ATP8A1: variants seen among roughly 807,000 people sequenced by gnomAD.
The protein encoded by ATP8A1 is phospholipid-transporting ATPase IA.
ATP8A1 carries 90 observed loss-of-function variants against 177.7 expected under a neutral mutation model. The observed-to-expected ratio is 0.51, with a 90% CI of 0.43 to 0.60. The LOEUF is 0.60. Ranked by LOEUF, ATP8A1 falls within the 20% of genes least tolerant of loss-of-function variation. The pLI is 0.00. For synonymous variants in ATP8A1, 493 were observed against 485.9 expected (o/e 1.01, Z -0.19); for missense variants, 1,072 against 1,392.8 (o/e 0.77, Z 3.67).
rs1553903247 is a variant in ATP8A1, at chr4:42,555,139, A to AATCTATCT, written c.1413+821_1413+828dup. 8.5e-3 allele frequency among the ~76,000 whole-genome samples: 505 copies of AATCTATCT among 59,404 alleles called. 7 individuals are homozygous for AATCTATCT. Among genetic ancestry groups the AATCTATCT allele is most frequent in the African/African-American group, 0.011 (163 of 14,264 alleles). The allele number at this position is 59,404 out of a possible 152,430, so 39.0% of individuals were successfully genotyped here. A position where few individuals can be genotyped will look rare whatever the true frequency, so the allele number is the denominator to read the frequency against. ...TATCTATCTATCTATCTATCTATCTAATCTATCTATCTATCTATCTATCTA... is the reference window on the plus strand; with the variant it reads ...TATCTATCTATCTATCTATCTATCTAATCTATCTATCTATCTATCTATCTATCTATCTA... On this transcript the variant is annotated intron_variant, in intron 16 of 36. Transcript: ENST00000381668.
At chr4:42,522,776 T>A (rs575390012) in intron 21 of ATP8A1, among the ~76,000 whole-genome samples, 14 of 152,292 alleles carry the variant, frequency 9.2e-5, no homozygotes, top group African/African-American at 3.4e-4. Context: ...GCAAGCAGTT[T>A]AAGACTCAGC....
chr4:42,529,404 T>C (rs1262189113), intron 20 of ATP8A1, among the ~76,000 whole-genome samples: 1 of 152,222 alleles, frequency 6.6e-6, no homozygotes. Flanking sequence ...CAAGTCACGA[T>C]GCGACCTGAA....
At chr4:42,468,406 TATATAC>T (rs1348784031) in intron 25 of ATP8A1, among the ~76,000 whole-genome samples, 98 of 149,326 alleles carry the variant, frequency 6.6e-4, no homozygotes, top group Non-Finnish European at 1.0e-3. Context: ...ATATATTTTA[TATATAC>T]ATATTTTATA....
rs1177200735 is a variant in ATP8A1, at chr4:42,414,837, C to G, written c.3306-119G>C. ...AAAAGATTGCTCGAGAAATCCGTAGCCTAGTGATTCTTTTTACACATTTTC... is the reference window on the plus strand; with the variant it reads ...AAAAGATTGCTCGAGAAATCCGTAGGCTAGTGATTCTTTTTACACATTTTC... On this transcript the variant is annotated intron_variant, in intron 35 of 36. Transcript: ENST00000381668. 10 of 730,748 alleles carry G rather than the reference C, an allele frequency of 1.4e-5. No individual in the cohort carries two copies. The Admixed American group carries it at 2.0e-4, about 14-fold the overall frequency. The allele number at this position is 730,748 out of a possible 1,614,324, so 45.3% of individuals were successfully genotyped here. A position where few individuals can be genotyped will look rare whatever the true frequency, so the allele number is the denominator to read the frequency against.
At chr4:42,434,482 A>G (rs1189397814) in intron 33 of ATP8A1, among the ~76,000 whole-genome samples, 1 of 152,254 alleles carries the variant, frequency 6.6e-6, no homozygotes, top group African/African-American at 2.4e-5. Context: ...GCACTTAGCT[A>G]AAGAAAAACA....
chr4:42,505,549 G>A (rs28734023), intron 23 of ATP8A1, among the ~76,000 whole-genome samples: 10,341 of 151,734 alleles, frequency 0.068, 1,150 homozygotes, highest in African/African-American at 0.23. Context: ...CTCTCTAATA[G>A]CAGCGATAAT....
In ATP8A1 at chr4:42,408,761, C is replaced by T. The variant is rs543530590; in HGVS notation, c.*4155G>A. On this transcript the variant is annotated 3_prime_UTR_variant, in exon 37 of 37. Coordinates refer to ENST00000381668, the MANE Select transcript of ATP8A1 (RefSeq NM_006095.2). ...ATAAACTTGAAAATGTAAAAAATGA[C>T]GATTAAAGTAGTTAAACAACAGATA... 4.8e-4 allele frequency: 73 copies of T among 152,178 alleles called. No individual in the cohort carries two copies. Among genetic ancestry groups the T allele is most frequent in the African/African-American group, 1.5e-3 (63 of 41,530 alleles). The allele number at this position is 152,178 out of a possible 1,614,324, so 9.4% of individuals were successfully genotyped here.
chr4:42,627,844 T>C (rs1738274105), intron 1 of ATP8A1, among the ~76,000 whole-genome samples: 1 of 152,206 alleles, frequency 6.6e-6, no homozygotes, highest in Non-Finnish European at 1.5e-5. Flanking sequence ...CAGTACTGTA[T>C]CTCCAAAACC....
At chr4:42,424,743 G>A (rs1714388241) in intron 33 of ATP8A1, among the ~76,000 whole-genome samples, 1 of 152,170 alleles carries the variant, frequency 6.6e-6, no homozygotes, top group African/African-American at 2.4e-5. Flanking sequence ...AGGAACTGCT[G>A]TTTAAATTTT....
rs1421158454 is a variant in ATP8A1 at position 42,569,912 on chromosome 4, T to G, written c.1296-707A>C. 2.6e-5 allele frequency among the ~76,000 whole-genome samples: 4 copies of G among 152,306 alleles called. No homozygotes were observed. In the East Asian group the frequency reaches 7.7e-4, roughly 29 times the overall value. On this transcript the variant is annotated intron_variant, in intron 14 of 36. Coordinates refer to ENST00000381668, the MANE Select transcript of ATP8A1 (RefSeq NM_006095.2). Reference sequence around the variant, plus strand: ...CATTTCAGCCAGTCATGTATTCAATTGGAAGGGGCCCATAATACATGACAG... The same window carrying G: ...CATTTCAGCCAGTCATGTATTCAATGGGAAGGGGCCCATAATACATGACAG...
At chr4:42,516,945 G>C (rs1475398907) in intron 22 of ATP8A1, among the ~76,000 whole-genome samples, 2 of 152,110 alleles carry the variant, frequency 1.3e-5, no homozygotes, top group African/African-American at 4.8e-5. Context: ...ATGAAACAAG[G>C]AACTTCATAA....
intron 18 of ATP8A1, among the ~76,000 whole-genome samples, chr4:42,549,790 C>A (rs558745436): frequency 6.6e-6 from 1 of 151,984 alleles, no homozygotes; most frequent in East Asian, 1.9e-4. Flanking sequence ...CAGAGCAAGA[C>A]CCCATCTCTA....
rs34269384 is a variant in ATP8A1, at chr4:42,507,729, C to CAAAAA, written c.1948-580_1948-576dup. 1.7e-3 allele frequency among the ~76,000 whole-genome samples: 15 copies of CAAAAA among 8,912 alleles called. 2 individuals are homozygous for CAAAAA. The highest frequency in any genetic ancestry group is 0.015 in the South Asian group (1 of 66). The allele number at this position is 8,912 out of a possible 152,430, so 5.8% of individuals were successfully genotyped here. A position where few individuals can be genotyped will look rare whatever the true frequency, so the allele number is the denominator to read the frequency against. ...TGGGCAAGAGAGCGAGACTCCATCTCAAAAAAAAAAAAAAAAAAAAAAAAA... is the reference window on the plus strand; with the variant it reads ...TGGGCAAGAGAGCGAGACTCCATCTCAAAAAAAAAAAAAAAAAAAAAAAAAAAAAA... On this transcript the variant is annotated intron_variant, in intron 22 of 36. Coordinates refer to ENST00000381668, the MANE Select transcript of ATP8A1 (RefSeq NM_006095.2).
At chr4:42,635,782 C>CACACATATATATAT (rs1553920597) in intron 1 of ATP8A1, among the ~76,000 whole-genome samples, 1 of 51,990 alleles carries the variant, frequency 1.9e-5, no homozygotes, top group Non-Finnish European at 4.2e-5. Flanking sequence ...CACACACACA[C>CACACATATATATAT]ATATATATAT....
At chr4:42,477,856 G>T (rs1208426799) in intron 25 of ATP8A1, among the ~76,000 whole-genome samples, 1 of 151,292 alleles carries the variant, frequency 6.6e-6, no homozygotes, top group Non-Finnish European at 1.5e-5. Context: ...AGTGGCGCAG[G>T]CCTGTTATCC....
chr4:42,648,401 GA>G (rs970760399), intron 1 of ATP8A1, among the ~76,000 whole-genome samples: 8 of 151,890 alleles, frequency 5.3e-5, no homozygotes, highest in Admixed American at 2.0e-4. Context: ...ACTGACTCCA[GA>G]AAAAAACTCA....
At chr4:42,431,753 C>T (rs60795041) in intron 33 of ATP8A1, among the ~76,000 whole-genome samples, 4 of 152,152 alleles carry the variant, frequency 2.6e-5, no homozygotes, top group Non-Finnish European at 4.4e-5. Context: ...CATGATCCCC[C>T]GAAACATATA....
Position 42,569,258 on chromosome 4 carries a change from G to C in ATP8A1, c.1296-53C>G, listed in dbSNP as rs892553557. The C allele has an allele frequency of 1.1e-5, 16 of 1,446,656 alleles. No homozygotes were observed. The East Asian group carries it at 1.2e-4, about 11-fold the overall frequency. 89.6% of individuals were successfully genotyped at this position (1,446,656 alleles called of 1,614,324 possible). On this transcript the variant is annotated intron_variant, in intron 14 of 36. Coordinates refer to ENST00000381668, the MANE Select transcript of ATP8A1 (RefSeq NM_006095.2). ...AGAGAGGAAAAATAATCACAGAAAGGCTGGAAACATAAAACCACGAAGAAG... is the reference window on the plus strand; with the variant it reads ...AGAGAGGAAAAATAATCACAGAAAGCCTGGAAACATAAAACCACGAAGAAG...
chr4:42,484,315 A>G (rs891218001), intron 25 of ATP8A1, among the ~76,000 whole-genome samples: 2 of 152,194 alleles, frequency 1.3e-5, no homozygotes, highest in Admixed American at 1.3e-4. Flanking sequence ...ACTTTATAGT[A>G]ATATTATTTG....
Sources: allele counts gnomAD v4.1 joint callset (sites outside exome capture counted in the v4.1 genomes callset), GRCh38; gene constraint gnomAD v4.1.1; transcripts MANE v1.5; gene names NCBI Gene and HGNC (gene_info 2026-07-23, HGNC 2026-07-21).